PHF20: variants seen among roughly 807,000 people sequenced by gnomAD.
The protein encoded by PHF20 is PHD finger protein 20.
A neutral mutation model predicts 113.5 loss-of-function variants in PHF20; 23 were observed. The ratio of observed to expected loss-of-function variants is 0.20; its 90% CI spans 0.15 to 0.29. The LOEUF (loss-of-function observed/expected upper bound fraction) is 0.29, where lower values mean the gene tolerates loss of function less well. PHF20 is among the 10% of genes least tolerant of loss of function. The pLI, the probability that PHF20 is intolerant of heterozygous loss-of-function variation, is 1.00. For synonymous variants in PHF20, 434 were observed against 457.3 expected (o/e 0.95, Z 0.65); for missense variants, 943 against 1,219.6 (o/e 0.77, Z 3.38).
At chr20:35,823,931 G>T (rs944343246) in intron 2 of PHF20, among the ~76,000 whole-genome samples, 1 of 152,206 alleles carries the variant, frequency 6.6e-6, no homozygotes, top group Non-Finnish European at 1.5e-5. Flanking sequence ...TTAGAACCAA[G>T]TAGTAAGTAT....
chr20:35,937,769 A>T (rs183633629), intron 15 of PHF20, among the ~76,000 whole-genome samples: 6 of 152,204 alleles, frequency 3.9e-5, no homozygotes, highest in Non-Finnish European at 7.4e-5. Context: ...AAATACTTTG[A>T]TTTCTTTCAG....
At chr20:35,825,155 C>G (rs1277677727) in intron 2 of PHF20, among the ~76,000 whole-genome samples, 1 of 152,128 alleles carries the variant, frequency 6.6e-6, no homozygotes, top group Non-Finnish European at 1.5e-5. Flanking sequence ...AGTAGCTGCA[C>G]CATTTTACAC....
chr20:35,836,041 A>C (rs1010674107), intron 2 of PHF20, among the ~76,000 whole-genome samples: 62 of 152,132 alleles, frequency 4.1e-4, no homozygotes, highest in African/African-American at 1.4e-3. Flanking sequence ...TGGGGGTCTC[A>C]CTCTGTCCCC....
At chr20:35,856,612 A>G (rs2042832362) in intron 4 of PHF20, 1 of 152,248 alleles carries the variant, frequency 6.6e-6, no homozygotes, top group Non-Finnish European at 1.5e-5. Flanking sequence ...CTGTACTTAT[A>G]TGAAGGTAGA....
In PHF20 at chr20:35,863,050, A is replaced by G; in HGVS notation, c.458A>G (p.His153Arg). The G allele has an allele frequency of 6.3e-7, 1 of 1,598,690 alleles. No homozygotes were observed. The highest frequency in any genetic ancestry group is 1.1e-5 in the South Asian group (1 of 88,348). ...VGNARPKETD[H>R]KSLSSSPDKR... ...AATGCTAGGCCTAAAGAAACAGATC[A>G]CAAAAGTCTTTCATCATCTCCTGAT... The change falls in exon 6 of 18, where the codon CAC (histidine) becomes CGC (arginine). Residue 153 changes from histidine to arginine, a missense_variant. This residue lies in a region of PHF20 where 592 missense variants were observed against 787.2 expected (regional missense o/e 0.75). Transcript: ENST00000374012.
At position 35,932,683 on chromosome 20, in the gene PHF20, G is replaced by A. The variant is rs1422544266; in HGVS notation, c.2300+1239G>A. ...TGACCTCAGGTGATCCACCCACCTC[G>A]GCCTCCGAAATTTCTGGGATTACAG... On this transcript the variant is annotated intron_variant, in intron 15 of 17. Transcript: ENST00000374012. 9.9e-5 allele frequency among the ~76,000 whole-genome samples: 15 copies of A among 152,128 alleles called. No individual in the cohort carries two copies. In the South Asian group the frequency reaches 2.9e-3, roughly 30 times the overall value.
chr20:35,886,946 C>G (rs1472860336), intron 9 of PHF20, among the ~76,000 whole-genome samples: 1 of 152,168 alleles, frequency 6.6e-6, no homozygotes, highest in Non-Finnish European at 1.5e-5. Context: ...CGTTTGGAAG[C>G]AAGATGCCAC....
chr20:35,831,031 C>T (rs1223227656), intron 2 of PHF20, among the ~76,000 whole-genome samples: 1 of 152,140 alleles, frequency 6.6e-6, no homozygotes, highest in Non-Finnish European at 1.5e-5. Flanking sequence ...GCCAAATCTG[C>T]AGACATATAA....
intron 1 of PHF20, among the ~76,000 whole-genome samples, chr20:35,778,169 T>G (rs1387767248): frequency 6.6e-6 from 1 of 152,136 alleles, no homozygotes; most frequent in African/African-American, 2.4e-5. Flanking sequence ...CTGCAACCTG[T>G]GCATCCTGAA....
chr20:35,879,783 CAAA>C (rs58553871), intron 9 of PHF20, among the ~76,000 whole-genome samples: 7 of 108,220 alleles, frequency 6.5e-5, no homozygotes, highest in East Asian at 2.7e-4. Context: ...CCCATCTCTC[CAAA>C]AAAAAAAAAA....
chr20:35,784,699 A>C (rs1048732836), intron 1 of PHF20, among the ~76,000 whole-genome samples: 4 of 151,960 alleles, frequency 2.6e-5, no homozygotes. Context: ...AGCATCCCAA[A>C]GTATTGGGAT....
chr20:35,927,568 A>G lies in PHF20; in HGVS notation c.2005-212A>G, dbSNP rs6058368. Among the ~76,000 whole-genome samples the G allele has an allele frequency of 0.041, 6,307 of 152,228 alleles. 228 individuals carry two copies. Among genetic ancestry groups the G allele is most frequent in the South Asian group, 0.2 (945 of 4,806 alleles). ...TTTTTAGCTTACCTTGTTAATTTCA[A>G]TGTAGAGCCACATGTGGCTAGTGGC... On this transcript the variant is annotated intron_variant, in intron 13 of 17. Coordinates refer to ENST00000374012, the MANE Select transcript of PHF20 (RefSeq NM_016436.5).
At chr20:35,838,393 C>T (rs928445613) in intron 2 of PHF20, 1 of 152,096 alleles carries the variant, frequency 6.6e-6, no homozygotes, top group Non-Finnish European at 1.5e-5. Context: ...GGGAGGCAAA[C>T]CGGGTTACTT....
At chr20:35,917,214 G>A (rs372034882) in intron 12 of PHF20, 3 of 526,718 alleles carry the variant, frequency 5.7e-6, no homozygotes, top group African/African-American at 1.9e-5. Flanking sequence ...CTGCCACTGA[G>A]TTCTATGATC....
chr20:35,880,849 A>G (rs1157307729), intron 9 of PHF20, among the ~76,000 whole-genome samples: 1 of 151,876 alleles, frequency 6.6e-6, no homozygotes, highest in Non-Finnish European at 1.5e-5. Flanking sequence ...AGTCCTAGCT[A>G]CTCGAGAGGC....
At chr20:35,946,103 G>A (rs747689700) in intron 17 of PHF20, among the ~76,000 whole-genome samples, 2 of 150,332 alleles carry the variant, frequency 1.3e-5, no homozygotes, top group South Asian at 4.2e-4. Flanking sequence ...CCCGGGAGGC[G>A]GAGGTTGCAG....
chr20:35,923,256 T>G (rs1025364991), intron 13 of PHF20, among the ~76,000 whole-genome samples: 13 of 152,192 alleles, frequency 8.5e-5, no homozygotes, highest in African/African-American at 2.2e-4. Flanking sequence ...AGTATTAATA[T>G]GTATTAAGTG....
chr20:35,914,963 C>CA (rs1287168580), intron 12 of PHF20, among the ~76,000 whole-genome samples: 979 of 45,994 alleles, frequency 0.021, 9 homozygotes, highest in Middle Eastern at 0.087. Flanking sequence ...GACTCCGTCT[C>CA]AAAAAAAAAA....
chr20:35,927,912 A>G (rs1600949908), intron 14 of PHF20, 33 bp downstream of exon 14: 2 of 1,446,174 alleles, frequency 1.4e-6, no homozygotes, highest in East Asian at 2.3e-5. Context: ...ATATAACAGT[A>G]TGTAGCCTTT....
Sources: allele counts gnomAD v4.1 joint callset (sites outside exome capture counted in the v4.1 genomes callset), GRCh38; gene constraint gnomAD v4.1.1; regional missense constraint gnomAD v4.1.1; transcripts MANE v1.5; gene names NCBI Gene and HGNC (gene_info 2026-07-23, HGNC 2026-07-21).